The following PLPPR5 variants were observed in gnomAD, a reference collection of about 807,000 sequenced individuals.
The protein encoded by PLPPR5 is phospholipid phosphatase related 5, also known as phospholipid phosphatase-related protein type 5.
A neutral mutation model predicts 33.9 loss-of-function variants in PLPPR5; 16 were observed. The ratio of observed to expected loss-of-function variants is 0.47; its 90% CI spans 0.32 to 0.72. PLPPR5 has a LOEUF of 0.72. Among genes scored for constraint, PLPPR5 ranks in the 30% least tolerant of loss-of-function variants. PLPPR5 has a pLI of 0.03. For synonymous variants in PLPPR5, 163 were observed against 150.3 expected (o/e 1.08, Z -0.62); for missense variants, 301 against 406.7 (o/e 0.74, Z 2.23).
At chr1:98,962,159 T>A (rs1042291658) in intron 1 of PLPPR5, among the ~76,000 whole-genome samples, 2 of 152,224 alleles carry the variant, frequency 1.3e-5, no homozygotes, top group African/African-American at 4.8e-5. Context: ...TTCCTTCATT[T>A]GTCTCTTTTC....
intron 1 of PLPPR5, among the ~76,000 whole-genome samples, chr1:98,967,360 TG>T (rs972050137): frequency 9.2e-5 from 14 of 152,134 alleles, no homozygotes; most frequent in African/African-American, 2.9e-4. Flanking sequence ...ATGTTTAAAA[TG>T]GGGAGGCCAT....
At chr1:98,898,729 T>C (rs567586328) in intron 5 of PLPPR5, among the ~76,000 whole-genome samples, 14 of 152,194 alleles carry the variant, frequency 9.2e-5, no homozygotes, top group Admixed American at 4.6e-4. Context: ...ACCAAAGTTT[T>C]CTTGGGAAAG....
intron 4 of PLPPR5, among the ~76,000 whole-genome samples, chr1:98,918,422 G>C (rs1464817193): frequency 2.0e-5 from 3 of 152,090 alleles, no homozygotes; most frequent in African/African-American, 7.2e-5. Flanking sequence ...CAATAAACTT[G>C]AGCTCTTCTG....
rs575293802 is a variant in PLPPR5 at position 98,939,450 on chromosome 1, T to C, written c.621+13620A>G. ...AAGGTAAAAAGAATTTTTTTCCCAC[T>C]ACTTAGCATCTAACCCCTTTCTTGT... On this transcript the variant is annotated intron_variant, in intron 3 of 5. Transcript: ENST00000263177. Among the ~76,000 whole-genome samples, 66 of 152,012 alleles carry C rather than the reference T, an allele frequency of 4.3e-4. 1 individual carries two copies. The highest frequency in any genetic ancestry group is 1.2e-3 in the Admixed American group (18 of 15,234).
intron 3 of PLPPR5, among the ~76,000 whole-genome samples, chr1:98,949,473 AT>A (rs1237197570): frequency 6.6e-6 from 1 of 152,144 alleles, no homozygotes; most frequent in Non-Finnish European, 1.5e-5. Context: ...ATTGATTTTT[AT>A]TTATGCATTT....
At chr1:98,945,325 G>A (rs750106252) in intron 3 of PLPPR5, among the ~76,000 whole-genome samples, 17 of 152,174 alleles carry the variant, frequency 1.1e-4, no homozygotes, top group Non-Finnish European at 1.9e-4. Context: ...TAGGACATAA[G>A]ACAGGAATTT....
At chr1:98,969,206 T>C (rs980821122) in intron 1 of PLPPR5, among the ~76,000 whole-genome samples, 1 of 152,050 alleles carries the variant, frequency 6.6e-6, no homozygotes, top group African/African-American at 2.4e-5. Flanking sequence ...TCTTCCTTTC[T>C]AGAGGACAGA....
intron 5 of PLPPR5, among the ~76,000 whole-genome samples, chr1:98,913,184 T>C (rs963568439): frequency 6.6e-6 from 1 of 152,234 alleles, no homozygotes. Context: ...ATTGCTTCTT[T>C]CATGAGTTTT....
At chr1:98,928,964 A>C (rs1462307460) in intron 3 of PLPPR5, among the ~76,000 whole-genome samples, 5 of 152,082 alleles carry the variant, frequency 3.3e-5, no homozygotes, top group Non-Finnish European at 7.4e-5. Flanking sequence ...CTACTTTTTA[A>C]ATATGTTACT....
At chr1:98,983,737 T>C (rs1230418888) in intron 1 of PLPPR5, among the ~76,000 whole-genome samples, 6 of 151,896 alleles carry the variant, frequency 4.0e-5, no homozygotes, top group Non-Finnish European at 2.9e-5. Flanking sequence ...CTCCACATCC[T>C]CTCCAGCACC....
At chr1:99,000,220 T>C (rs924034561) in intron 1 of PLPPR5, among the ~76,000 whole-genome samples, 1 of 152,188 alleles carries the variant, frequency 6.6e-6, no homozygotes, top group Non-Finnish European at 1.5e-5. Flanking sequence ...TCTCTGTAAA[T>C]AAGCCCAAAT....
At chr1:98,940,070 G>T (rs1210818001) in intron 3 of PLPPR5, among the ~76,000 whole-genome samples, 1 of 151,856 alleles carries the variant, frequency 6.6e-6, no homozygotes, top group Non-Finnish European at 1.5e-5. Context: ...TATGGACTGG[G>T]TTCACATGAA....
rs1361663408 is a variant in PLPPR5 at position 98,956,706 on chromosome 1, T to C, written c.273A>G (p.Gln91=). ...GGTTTTCAAAATCCCTTGTGGCTAG[T>C]TGTAGGCAAAAGACAGCAGTTTCTC... The part of the protein sequence containing the change: ...IVGETAVFCL[Q]LATRDFENQE... The change falls in exon 2 of 6, where the codon CAA becomes CAG. Residue 91 remains glutamine, a synonymous_variant. Coordinates refer to ENST00000263177, the MANE Select transcript of PLPPR5 (RefSeq NM_001037317.2). The C allele has an allele frequency of 2.5e-6, 4 of 1,587,986 alleles. No homozygotes were observed. Among genetic ancestry groups the C allele is most frequent in the Admixed American group, 3.7e-5 (2 of 54,020 alleles).
chr1:98,998,137 A>T (rs1472055230), intron 1 of PLPPR5, among the ~76,000 whole-genome samples: 1 of 152,140 alleles, frequency 6.6e-6, no homozygotes, highest in African/African-American at 2.4e-5. Context: ...AAGGGAGGGA[A>T]ACAGGAAAGA....
At chr1:98,911,321 G>A (rs553968874) in intron 5 of PLPPR5, among the ~76,000 whole-genome samples, 45 of 152,178 alleles carry the variant, frequency 3.0e-4, no homozygotes, top group Admixed American at 1.2e-3. Flanking sequence ...CCTAGCTACC[G>A]GAGTGAAAAC....
At chr1:98,905,782 G>A (rs952994815) in intron 5 of PLPPR5, among the ~76,000 whole-genome samples, 1 of 151,996 alleles carries the variant, frequency 6.6e-6, no homozygotes, top group Non-Finnish European at 1.5e-5. Context: ...ATATTACTCA[G>A]TTAATTGCTA....
chr1:98,998,315 G>C (rs1253110394), intron 1 of PLPPR5, among the ~76,000 whole-genome samples: 2 of 152,124 alleles, frequency 1.3e-5, no homozygotes, highest in Non-Finnish European at 2.9e-5. Flanking sequence ...TGCAGATCTA[G>C]AACCAGAGGG....
intron 1 of PLPPR5, among the ~76,000 whole-genome samples, chr1:99,001,568 AAATG>A: frequency 6.6e-6 from 1 of 151,350 alleles, no homozygotes; most frequent in Admixed American, 6.6e-5. Flanking sequence ...ATTTTTACAT[AAATG>A]AATTTAGCAA....
At position 98,940,282 on chromosome 1, in the gene PLPPR5, C is replaced by T. The variant is rs1170828208; in HGVS notation, c.621+12788G>A. Among the ~76,000 whole-genome samples the T allele has an allele frequency of 2.0e-5, 3 of 151,794 alleles. 1 individual carries two copies. Among genetic ancestry groups the T allele is most frequent in the Non-Finnish European group, 4.4e-5 (3 of 67,902 alleles). On this transcript the variant is annotated intron_variant, in intron 3 of 5. Transcript: ENST00000263177. Reference sequence around the variant, plus strand: ...AGATGCTGCCCTCTTGCTGTGTCCTCACATGGTGGAGAGAGCTAGGAAGCA... The same window carrying T: ...AGATGCTGCCCTCTTGCTGTGTCCTTACATGGTGGAGAGAGCTAGGAAGCA...
Sources: allele counts gnomAD v4.1 joint callset (sites outside exome capture counted in the v4.1 genomes callset), GRCh38; gene constraint gnomAD v4.1.1; transcripts MANE v1.5; gene names NCBI Gene and HGNC (gene_info 2026-07-23, HGNC 2026-07-21).